The following NCOR1 variants were observed in gnomAD, a reference collection of about 807,000 sequenced individuals.
The protein encoded by NCOR1 is nuclear receptor corepressor 1, also known as protein phosphatase 1, regulatory subunit 109.
NCOR1 carries 63 observed loss-of-function variants against 288.1 expected under a neutral mutation model. The ratio of observed to expected loss-of-function variants is 0.22; its 90% CI spans 0.18 to 0.27. The LOEUF is 0.27. Ranked by LOEUF, NCOR1 falls within the 10% of genes least tolerant of loss-of-function variation. The probability of loss-of-function intolerance (pLI) is 1.00; values close to 1 mark genes in which losing one functional copy is unlikely to be tolerated. For synonymous variants in NCOR1, 1,007 were observed against 1,065.9 expected, an observed-to-expected ratio of 0.94 and a Z score of 1.08; for missense variants, 2,397 against 3,019.2, an observed-to-expected ratio of 0.79 and a Z score of 4.83.
At chr17:16,172,779 C>A (rs1281483674) in intron 3 of NCOR1, among the ~76,000 whole-genome samples, 1 of 152,128 alleles carries the variant, frequency 6.6e-6, no homozygotes, top group East Asian at 1.9e-4. Flanking sequence ...GAGTCCTGCT[C>A]GTGAGTGCTC....
At chr17:16,036,914 C>A (rs1475506931) in intron 44 of NCOR1, among the ~76,000 whole-genome samples, 1 of 152,222 alleles carries the variant, frequency 6.6e-6, no homozygotes, top group African/African-American at 2.4e-5. Flanking sequence ...CCTTTGCATT[C>A]ACAATTTGGC....
intron 19 of NCOR1, among the ~76,000 whole-genome samples, chr17:16,104,105 A>AT (rs1258072752): frequency 6.6e-6 from 1 of 152,142 alleles, no homozygotes; most frequent in Non-Finnish European, 1.5e-5. Context: ...TCTTACATTT[A>AT]TTTACTAGAA....
At chr17:16,188,793 G>A (rs1211076489) in intron 2 of NCOR1, among the ~76,000 whole-genome samples, 2 of 151,944 alleles carry the variant, frequency 1.3e-5, no homozygotes, top group East Asian at 1.9e-4. Context: ...GGGAGGCCAA[G>A]GCAGGCGGAT....
chr17:16,208,742 A>G (rs1600610188), intron 1 of NCOR1, among the ~76,000 whole-genome samples: 1 of 152,092 alleles, frequency 6.6e-6, no homozygotes, highest in Non-Finnish European at 1.5e-5. Flanking sequence ...CCAGCTACTC[A>G]GAAGAACCGC....
At position 16,141,181 on chromosome 17, in the gene NCOR1, T is replaced by A. The variant is rs1056104938; in HGVS notation, c.1174-1995A>T. On this transcript the variant is annotated intron_variant, in intron 11 of 45. Transcript: ENST00000268712. ...CTCTGGAACACTGATAACTCAAAGG[T>A]GTCTCTAGAAATGGCTAAGATCCTG... is the stretch of plus-strand genomic sequence containing the variant. Among the ~76,000 whole-genome samples the A allele has an allele frequency of 2.0e-5, 3 of 152,088 alleles. No homozygotes were observed. The South Asian group carries it at 6.2e-4, about 32-fold the overall frequency.
intron 14 of NCOR1, among the ~76,000 whole-genome samples, chr17:16,132,286 C>T (rs2153226712): frequency 6.6e-6 from 1 of 152,248 alleles, no homozygotes; most frequent in African/African-American, 2.4e-5. Context: ...AGGTAACTAG[C>T]AAGTACCACA....
chr17:16,133,476 G>T (rs987662110), intron 14 of NCOR1, among the ~76,000 whole-genome samples: 2 of 152,214 alleles, frequency 1.3e-5, no homozygotes, highest in Non-Finnish European at 2.9e-5. Context: ...TTACATAGCA[G>T]AGAAGTAAAG....
chr17:16,202,189 G>A (rs1350500104), intron 1 of NCOR1, among the ~76,000 whole-genome samples: 4 of 141,216 alleles, frequency 2.8e-5, no homozygotes, highest in Non-Finnish European at 4.5e-5. Flanking sequence ...GCACCACTGC[G>A]TTCCAGCCTG....
At chr17:16,153,290 C>G (rs2153389134) in intron 7 of NCOR1, 49 bp downstream of exon 7, 1 of 1,337,098 alleles carries the variant, frequency 7.5e-7, no homozygotes, top group Non-Finnish European at 1.1e-6. Flanking sequence ...GAAAAACTAC[C>G]ACCAAAAATT....
intron 1 of NCOR1, among the ~76,000 whole-genome samples, chr17:16,209,894 T>A (rs2091954924): frequency 6.6e-6 from 1 of 151,590 alleles, no homozygotes; most frequent in South Asian, 2.1e-4. Context: ...GAGGTTGCAG[T>A]GAGCTGAGAT....
In NCOR1 at chr17:16,154,760, G is replaced by C. The variant is rs535969500; in HGVS notation, c.733-1365C>G. Among the ~76,000 whole-genome samples the C allele has an allele frequency of 6.5e-4, 99 of 152,302 alleles. 2 individuals carry two copies. The highest frequency in any genetic ancestry group is 2.3e-3 in the African/African-American group (95 of 41,580). ...CATTAAATGGGACGAAAATATGAAA[G>C]ATGGGTTAGAAAGAAAGGACTGAAG... On this transcript the variant is annotated intron_variant, in intron 6 of 45. Transcript: ENST00000268712.
chr17:16,101,872 G>T, intron 19 of NCOR1, 115 bp from the exon 20 acceptor site: 1 of 1,342,712 alleles, frequency 7.4e-7, no homozygotes. Context: ...TAGAAACCAT[G>T]TTTGAAAGTA....
intron 3 of NCOR1, among the ~76,000 whole-genome samples, chr17:16,181,693 T>A (rs1600097611): frequency 6.6e-6 from 1 of 152,240 alleles, no homozygotes; most frequent in East Asian, 1.9e-4. Context: ...ACCTCAAATA[T>A]ACATAATAAA....
chr17:16,158,458 C>T (rs2080181930), intron 6 of NCOR1, among the ~76,000 whole-genome samples: 1 of 152,162 alleles, frequency 6.6e-6, no homozygotes, highest in Non-Finnish European at 1.5e-5. Flanking sequence ...TGCTACCAAG[C>T]TTCCTTGCCA....
rs184878988 is a variant in NCOR1, at chr17:16,098,512, A to T, written c.2691-16T>A. 823 of 1,583,118 alleles carry T rather than the reference A, an allele frequency of 5.2e-4. 5 individuals carry two copies. The African/African-American group carries it at 9.5e-3, about 18-fold the overall frequency. On this transcript the variant is annotated splice_polypyrimidine_tract_variant and intron_variant, in intron 20 of 45. Transcript: ENST00000268712. ...AGGAAACATTCTGCAATTGCAATTT[A>T]AAAAAAAGATAAATGAATACATTTT...
chr17:16,195,427 C>T lies in NCOR1; in HGVS notation c.-70-788G>A, dbSNP rs1339107758. Among the ~76,000 whole-genome samples the T allele has an allele frequency of 5.9e-5, 9 of 151,952 alleles. 1 individual carries two copies. The South Asian group carries it at 6.2e-4, about 11-fold the overall frequency. ...CGGAGGTTGCAGTGAGCCGAGATCA[C>T]GCCATTGCACGCCAGCCGGGGCAAC... On this transcript the variant is annotated intron_variant, in intron 1 of 45. Coordinates refer to ENST00000268712, the MANE Select transcript of NCOR1 (RefSeq NM_006311.4).
chr17:16,122,629 CT>C, intron 15 of NCOR1: 1 of 152,390 alleles, frequency 6.6e-6, no homozygotes, highest in Non-Finnish European at 1.5e-5. Flanking sequence ...CTCATCCTTT[CT>C]TTTGGGTTTC....
rs868171056 is a variant in NCOR1, at chr17:16,058,202, G to A, written c.6011-138C>T. 2.4e-5 allele frequency: 25 copies of A among 1,046,996 alleles called. No homozygotes were observed. The African/African-American group carries it at 3.2e-4, about 14-fold the overall frequency. 64.9% of individuals were successfully genotyped at this position (1,046,996 alleles called of 1,614,324 possible). A position where few individuals can be genotyped will look rare whatever the true frequency, so the allele number is the denominator to read the frequency against. ...AAACAAAGAACTTATCTTAATTTTG[G>A]AGAAAAAAAAAATTATTCACTGAAG... is the stretch of plus-strand genomic sequence containing the variant. On this transcript the variant is annotated intron_variant, in intron 38 of 45. Coordinates refer to ENST00000268712, the MANE Select transcript of NCOR1 (RefSeq NM_006311.4).
At position 16,117,989 on chromosome 17, in the gene NCOR1, T is replaced by C; in HGVS notation, c.1954A>G (p.Lys652Glu). 6.2e-7 allele frequency: 1 copy of C among 1,614,082 alleles called. No individual in the cohort carries two copies. The highest frequency in any genetic ancestry group is 8.5e-7 in the Non-Finnish European group (1 of 1,179,992). ...EHGRNWAAIA[K>E]MVGTKSEAQC... ...GCTTCACTTTTCGTTCCCACCATTT[T>C]AGCAATTGCTGCCCAGTTACGACCA... Residue 652 changes from lysine to glutamate, a missense_variant, in exon 18 of 46, where the codon AAA becomes GAA. Physicochemically the swap from Lys to Glu is moderately conservative, Grantham distance 56 (BLOSUM62 1). This residue lies in a region of NCOR1 where 24 missense variants were observed against 84.3 expected (regional missense o/e 0.28). Transcript: ENST00000268712.
Sources: allele counts gnomAD v4.1 joint callset (sites outside exome capture counted in the v4.1 genomes callset), GRCh38; gene constraint gnomAD v4.1.1; regional missense constraint gnomAD v4.1.1; transcripts MANE v1.5; gene names NCBI Gene and HGNC (gene_info 2026-07-23, HGNC 2026-07-21).